The following METTL21C variants were observed in gnomAD, a reference collection of about 807,000 sequenced individuals.
METTL21C encodes the protein protein-lysine methyltransferase METTL21C.
A neutral mutation model predicts 25.9 loss-of-function variants in METTL21C; 21 were observed. The ratio of observed to expected loss-of-function variants is 0.81; its 90% CI spans 0.58 to 1.17. METTL21C has a LOEUF of 1.17. METTL21C is among the 50% of genes most tolerant of loss of function. The pLI, the probability that METTL21C is intolerant of heterozygous loss-of-function variation, is 0.00. For synonymous variants in METTL21C, 125 were observed against 124.7 expected (o/e 1.00, Z -0.01); for missense variants, 312 against 315.1 (o/e 0.99, Z 0.07).
intron 1 of METTL21C, among the ~76,000 whole-genome samples, chr13:102,693,071 G>A (rs560615263): frequency 3.9e-5 from 6 of 152,242 alleles, no homozygotes; most frequent in Non-Finnish European, 8.8e-5. Flanking sequence ...TACTCCCACC[G>A]TGCCGTTTTC....
intron 1 of METTL21C, among the ~76,000 whole-genome samples, chr13:102,691,340 A>G (rs1197221207): frequency 5.4e-5 from 8 of 147,614 alleles, no homozygotes; most frequent in Admixed American, 5.3e-4. Context: ...AGGTAAACAC[A>G]AACCTGCCTT....
chr13:102,686,936 A>G lies in METTL21C; in HGVS notation c.400+4T>C, dbSNP rs757171825. The G allele has an allele frequency of 4.3e-6, 7 of 1,609,588 alleles. No individual in the cohort carries two copies. The highest frequency in any genetic ancestry group is 6.0e-6 in the Non-Finnish European group (7 of 1,175,888). On this transcript the variant is annotated splice_donor_region_variant and intron_variant, in intron 3 of 3. Transcript: ENST00000267273. ...GATACTAGGTCAGGAATAAACAAAC[A>G]AACCTAAAATACTGGCCACAATGGA...
the METTL21C span, among the ~76,000 whole-genome samples, chr13:102,701,243 T>C: frequency 6.6e-6 from 1 of 152,094 alleles, no homozygotes; most frequent in Non-Finnish European, 1.5e-5. Flanking sequence ...GCCTGTTCCT[T>C]GGAAGCTGAG....
At chr13:102,700,043 T>C (rs1886008079), upstream of METTL21C, among the ~76,000 whole-genome samples, 1 of 152,244 alleles carries the variant, frequency 6.6e-6, no homozygotes, top group African/African-American at 2.4e-5. Flanking sequence ...TTTTGTAAAC[T>C]AAAATTTGTC....
At position 102,690,873 on chromosome 13, in the gene METTL21C, T is replaced by C. The variant is rs764907743; in HGVS notation, c.222A>G (p.Ala74=). The change falls in exon 2 of 4, where the codon GCA becomes GCG. Residue 74 remains alanine (A), a synonymous_variant. Transcript: ENST00000267273. ...ASYTQEHYRF[A]GKEIVIQESI... ...ATTCCTGGATGACAATCTCCTTTCC[T>C]GCAAACCGATAATGCTCCTGAGTGT... 6.2e-7 allele frequency: 1 copy of C among 1,614,194 alleles called. No homozygotes were observed. Among genetic ancestry groups the C allele is most frequent in the South Asian group, 1.1e-5 (1 of 91,086 alleles).
At chr13:102,689,216 C>T (rs1885763675) in intron 2 of METTL21C, among the ~76,000 whole-genome samples, 1 of 152,168 alleles carries the variant, frequency 6.6e-6, no homozygotes, top group Admixed American at 6.5e-5. Context: ...AGGCATAAGC[C>T]ACATGCCCGG....
At chr13:102,695,681 T>G (rs777841723), upstream of METTL21C, among the ~76,000 whole-genome samples, 1 of 152,206 alleles carries the variant, frequency 6.6e-6, no homozygotes, top group Non-Finnish European at 1.5e-5. Context: ...TGTGGTCCCA[T>G]GTAAATCACC....
chr13:102,686,018 C>T lies in METTL21C; in HGVS notation c.*13G>A. On this transcript the variant is annotated 3_prime_UTR_variant, in exon 4 of 4. Coordinates refer to ENST00000267273, the MANE Select transcript of METTL21C (RefSeq NM_001010977.3). Reference sequence around the variant, plus strand: ...AAAGACACAGTAACGTTGTGAAAGGCATTTTGTTGGATTTAGTCCCATTTT... The same window carrying T: ...AAAGACACAGTAACGTTGTGAAAGGTATTTTGTTGGATTTAGTCCCATTTT... 1 of 1,548,764 alleles carries T rather than the reference C, an allele frequency of 6.5e-7. No homozygotes were observed. The highest frequency in any genetic ancestry group is 8.7e-7 in the Non-Finnish European group (1 of 1,146,496).
At position 102,688,058 on chromosome 13, in the gene METTL21C, C is replaced by T. The variant is rs958929503; in HGVS notation, c.283-1001G>A. Among the ~76,000 whole-genome samples the T allele has an allele frequency of 5.7e-4, 86 of 152,090 alleles. 1 individual carries two copies. The highest frequency in any genetic ancestry group is 6.0e-4 in the Non-Finnish European group (41 of 68,022). On this transcript the variant is annotated intron_variant, in intron 2 of 3. Coordinates refer to ENST00000267273, the MANE Select transcript of METTL21C (RefSeq NM_001010977.3). The stretch of plus-strand genomic sequence containing the variant: ...TTAAATTTGAGTATAAATAGCCCAG[C>T]GTGAGGAACGTGAACACTGAGATTT...
chr13:102,691,244 G>A (rs765932912), intron 1 of METTL21C, among the ~76,000 whole-genome samples: 4 of 149,536 alleles, frequency 2.7e-5, no homozygotes, highest in East Asian at 2.0e-4. Flanking sequence ...TGTGTGGATC[G>A]GTCCCCACCC....
upstream of METTL21C, among the ~76,000 whole-genome samples, chr13:102,697,793 C>A (rs144652946): frequency 4.1e-4 from 63 of 152,270 alleles, no homozygotes; most frequent in African/African-American, 1.5e-3. Context: ...AAAGTGGACG[C>A]AACCCAGGGA....
chr13:102,699,014 T>C (rs1013044346), upstream of METTL21C, among the ~76,000 whole-genome samples: 2 of 152,178 alleles, frequency 1.3e-5, no homozygotes, highest in Non-Finnish European at 2.9e-5. Flanking sequence ...GGGAAAAAGA[T>C]TCCGAGTGCT....
At chr13:102,702,348 GA>G in the METTL21C span, among the ~76,000 whole-genome samples, 5 of 152,056 alleles carry the variant, frequency 3.3e-5, no homozygotes, top group Non-Finnish European at 7.4e-5. Context: ...ACAAAGACAG[GA>G]AAAAGACAAC....
At chr13:102,688,113 T>C (rs753155615) in intron 2 of METTL21C, among the ~76,000 whole-genome samples, 2 of 152,230 alleles carry the variant, frequency 1.3e-5, no homozygotes, top group African/African-American at 4.8e-5. Context: ...AATTTACTTA[T>C]ACATTTAGGC....
At chr13:102,696,002 C>T (rs780606845), upstream of METTL21C, among the ~76,000 whole-genome samples, 29 of 151,638 alleles carry the variant, frequency 1.9e-4, no homozygotes, top group Middle Eastern at 3.4e-3. Context: ...AAGCAAAGGA[C>T]GAAGGAAAAA....
At chr13:102,688,948 G>A (rs1276904663) in intron 2 of METTL21C, among the ~76,000 whole-genome samples, 2 of 152,174 alleles carry the variant, frequency 1.3e-5, no homozygotes, top group South Asian at 2.1e-4. Context: ...CAGGAAAAGG[G>A]CGCCTTCCCA....
chr13:102,689,659 C>A (rs182278325), intron 2 of METTL21C, among the ~76,000 whole-genome samples: 4 of 152,330 alleles, frequency 2.6e-5, no homozygotes, highest in Admixed American at 2.0e-4. Context: ...CTGACAACAT[C>A]CGCAGTGGGA....
At position 102,687,024 on chromosome 13, in the gene METTL21C, C is replaced by T. The variant is rs572937369; in HGVS notation, c.316G>A (p.Ala106Thr). ...GCATCTTGGAAATTCAATTCCTCGG[C>T]ATGTTCCTCCAAGTATTGACACAAA... Reference protein sequence around the residue: ...MALCQYLEEHAEELNFQDAKI... With the variant: ...MALCQYLEEHTEELNFQDAKI... The change falls in exon 3 of 4, where the codon GCC (alanine) becomes ACC (threonine). Residue 106 changes from alanine to threonine, a missense_variant. Coordinates refer to ENST00000267273, the MANE Select transcript of METTL21C (RefSeq NM_001010977.3). 5.0e-6 allele frequency: 8 copies of T among 1,614,088 alleles called. No homozygotes were observed. The Admixed American group carries it at 5.0e-5, about 10-fold the overall frequency.
the METTL21C span, among the ~76,000 whole-genome samples, chr13:102,701,289 C>G: frequency 6.6e-6 from 1 of 152,120 alleles, no homozygotes; most frequent in African/African-American, 2.4e-5. Context: ...CTAGATGCGC[C>G]TCTTCAGCTC....
Sources: gnomAD v4.1 joint callset for allele counts (sites outside exome capture counted in the v4.1 genomes callset) on GRCh38, gnomAD v4.1.1 for gene constraint, MANE v1.5 for transcripts, NCBI Gene and HGNC (gene_info 2026-07-23, HGNC 2026-07-21) for gene names.